Variants in PVT1 observed in about 807,000 individuals in gnomAD.
PVT1 encodes Pvt1 oncogene.
rs148540242 is a variant in PVT1 at position 128,033,210 on chromosome 8, G to A, written n.913-36950G>A. ...CAACAATCCACTTAAGGAGATGAAT[G>A]GTATGATTCTCCGAGGCTCTGTGGG... On this transcript the variant is annotated intron_variant and non_coding_transcript_variant, in intron 4 of 10. Coordinates refer to ENST00000651587, the Ensembl canonical transcript of PVT1. 8.0e-4 allele frequency among the ~76,000 whole-genome samples: 122 copies of A among 152,322 alleles called. 1 individual carries two copies. The highest frequency in any genetic ancestry group is 2.8e-3 in the African/African-American group (117 of 41,572).
intron 2 of PVT1, among the ~76,000 whole-genome samples, chr8:127,815,922 G>A (rs1245903948): frequency 7.9e-5 from 12 of 152,106 alleles, no homozygotes; most frequent in Admixed American, 7.9e-4. Flanking sequence ...TCAGGAGTTC[G>A]AGACCAGCCT....
intron 2 of PVT1, among the ~76,000 whole-genome samples, chr8:127,869,578 A>G (rs1249393760): frequency 6.6e-6 from 1 of 151,924 alleles, no homozygotes; most frequent in Non-Finnish European, 1.5e-5. Flanking sequence ...ACTGTTTCCC[A>G]TTAGGCTCTT....
chr8:127,967,222 T>C (rs1816712767), intron 3 of PVT1, among the ~76,000 whole-genome samples: 1 of 152,030 alleles, frequency 6.6e-6, no homozygotes, highest in African/African-American at 2.4e-5. Context: ...ACAGGGCCTT[T>C]CTTTGAATGG....
At chr8:128,032,912 T>C (rs775296849) in intron 4 of PVT1, among the ~76,000 whole-genome samples, 3 of 152,164 alleles carry the variant, frequency 2.0e-5, no homozygotes, top group African/African-American at 4.8e-5. Flanking sequence ...TAGCACTCCA[T>C]TGGCTGAGGC....
chr8:127,950,971 C>T lies in PVT1; in HGVS notation n.783-38191C>T, dbSNP rs557383667. On this transcript the variant is annotated intron_variant and non_coding_transcript_variant, in intron 3 of 10. Transcript: ENST00000651587. ...GGAGTGCAGTGGTATGATCTTGGCT[C>T]ACTGCAACCTCCGCCTCCCGGATTC... Among the ~76,000 whole-genome samples the T allele has an allele frequency of 4.6e-5, 7 of 152,240 alleles. No individual in the cohort carries two copies. In the South Asian group the frequency reaches 1.5e-3, roughly 32 times the overall value.
At chr8:128,052,328 A>G (rs1033594547) in intron 4 of PVT1, among the ~76,000 whole-genome samples, 4 of 152,160 alleles carry the variant, frequency 2.6e-5, no homozygotes, top group African/African-American at 9.7e-5. Flanking sequence ...TTGGGTGCTT[A>G]CTTCACTCTC....
chr8:128,053,885 C>T (rs185199722), intron 4 of PVT1, among the ~76,000 whole-genome samples: 2 of 152,350 alleles, frequency 1.3e-5, no homozygotes, highest in African/African-American at 4.8e-5. Context: ...CAGCTGGTTC[C>T]GTCCTTGTAT....
At chr8:127,829,948 T>G (rs902912059) in intron 2 of PVT1, among the ~76,000 whole-genome samples, 1 of 152,208 alleles carries the variant, frequency 6.6e-6, no homozygotes, top group African/African-American at 2.4e-5. Context: ...AATCTCTGGC[T>G]TGTGGCTGCA....
intron 5 of PVT1, among the ~76,000 whole-genome samples, chr8:128,086,418 A>G (rs17382616): frequency 0.022 from 3,290 of 152,312 alleles, 53 homozygotes; most frequent in Non-Finnish European, 0.035. Flanking sequence ...CTCATGTGAA[A>G]GGCAAACCTA....
chr8:127,988,520 C>T (rs574183340), intron 3 of PVT1, among the ~76,000 whole-genome samples: 3 of 152,212 alleles, frequency 2.0e-5, no homozygotes, highest in Non-Finnish European at 4.4e-5. Context: ...CACACTGTCC[C>T]ACCCCTTTTG....
intron 3 of PVT1, among the ~76,000 whole-genome samples, chr8:127,893,198 C>T (rs1194401299): frequency 1.3e-5 from 2 of 152,188 alleles, no homozygotes; most frequent in Non-Finnish European, 2.9e-5. Flanking sequence ...ACATGTTTTT[C>T]CATTCAAACC....
intron 4 of PVT1, among the ~76,000 whole-genome samples, chr8:128,050,725 G>T (rs546612007): frequency 1.7e-4 from 26 of 152,264 alleles, no homozygotes; most frequent in African/African-American, 5.5e-4. Flanking sequence ...GTTCCTACCT[G>T]CAGGGTTCTT....
chr8:127,828,906 A>G (rs1814820808), intron 2 of PVT1, among the ~76,000 whole-genome samples: 1 of 152,274 alleles, frequency 6.6e-6, no homozygotes, highest in African/African-American at 2.4e-5. Context: ...TTTTGCTGAG[A>G]ATGCTTGTTC....
chr8:128,069,550 G>A (rs1039902540), intron 4 of PVT1, among the ~76,000 whole-genome samples: 4 of 152,098 alleles, frequency 2.6e-5, no homozygotes, highest in Admixed American at 6.6e-5. Context: ...CACCATAATC[G>A]TGCTGGGTGG....
chr8:127,996,158 C>G (rs751572866), intron 4 of PVT1, among the ~76,000 whole-genome samples: 8 of 152,130 alleles, frequency 5.3e-5, no homozygotes, highest in Non-Finnish European at 1.0e-4. Context: ...ATAGGAAAAG[C>G]TCCTGATCCA....
At chr8:127,929,108 G>A (rs1263508251) in intron 3 of PVT1, among the ~76,000 whole-genome samples, 2 of 152,068 alleles carry the variant, frequency 1.3e-5, no homozygotes, top group Admixed American at 1.3e-4. Flanking sequence ...GAAGCAAGGG[G>A]GGTTTAGCGG....
intron 3 of PVT1, chr8:127,984,287 T>A (rs1816918144): frequency 6.6e-6 from 1 of 152,186 alleles, no homozygotes. Context: ...TTGCTTTAAT[T>A]CTGTAATCCT....
intron 5 of PVT1, among the ~76,000 whole-genome samples, chr8:128,070,849 C>G (rs1813977436): frequency 6.6e-6 from 1 of 152,144 alleles, no homozygotes; most frequent in South Asian, 2.1e-4. Context: ...GAGCACATTG[C>G]TATCTCCCTT....
At chr8:127,976,984 C>A (rs1212803448) in intron 3 of PVT1, among the ~76,000 whole-genome samples, 1 of 152,148 alleles carries the variant, frequency 6.6e-6, no homozygotes, top group African/African-American at 2.4e-5. Flanking sequence ...TAGGTGCTCC[C>A]AGATCCACGA....
Sources: allele counts gnomAD v4.1 joint callset (sites outside exome capture counted in the v4.1 genomes callset), GRCh38; gene constraint gnomAD v4.1.1; transcripts MANE v1.5; gene names NCBI Gene and HGNC (gene_info 2026-07-23, HGNC 2026-07-21).